MYBL1: variants seen among roughly 807,000 people sequenced by gnomAD.
MYBL1 encodes MYB proto-oncogene like 1, also known as myb-related protein A.
Under a neutral mutation model 96.3 loss-of-function variants are expected in MYBL1, and 17 were observed. The ratio of observed to expected loss-of-function variants is 0.18; its 90% CI spans 0.12 to 0.26. The LOEUF is 0.26. Ranked by LOEUF, MYBL1 falls within the 10% of genes least tolerant of loss-of-function variation. MYBL1 has a pLI of 1.00. For synonymous variants in MYBL1, 282 were observed against 292.7 expected, an observed-to-expected ratio of 0.96 and a Z score of 0.37; for missense variants, 701 against 882.9, an observed-to-expected ratio of 0.79 and a Z score of 2.61.
rs1409652352 is a variant in MYBL1, at chr8:66,576,390, A to G, written c.1102-15T>C. The G allele has an allele frequency of 6.3e-7, 1 of 1,583,146 alleles. No individual in the cohort carries two copies. Among genetic ancestry groups the G allele is most frequent in the Non-Finnish European group, 8.6e-7 (1 of 1,167,752 alleles). On this transcript the variant is annotated splice_polypyrimidine_tract_variant and intron_variant, in intron 9 of 15. Coordinates refer to ENST00000522677, the MANE Select transcript of MYBL1 (RefSeq NM_001080416.4). ...GCTACAGGATCCTGCAATAAATTAA[A>G]CTGTTAATAAAGTTAATGCTGTAAC...
In MYBL1 at chr8:66,563,732, C is replaced by T. The variant is rs1381801985; in HGVS notation, c.*965G>A. ...GAAAATATTAAATTATTATTTAGTA[C>T]ATTTTTAGAACTACTTTATAACCAG... On this transcript the variant is annotated 3_prime_UTR_variant, in exon 16 of 16. Coordinates refer to ENST00000522677, the MANE Select transcript of MYBL1 (RefSeq NM_001080416.4). 1 of 152,328 alleles carries T rather than the reference C, an allele frequency of 6.6e-6. No individual in the cohort carries two copies. Among genetic ancestry groups the T allele is most frequent in the Non-Finnish European group, 1.5e-5 (1 of 67,948 alleles). The allele number at this position is 152,328 out of a possible 1,614,324, so 9.4% of individuals were successfully genotyped here.
In MYBL1 at chr8:66,595,663, A is replaced by G. The variant is rs985046052; in HGVS notation, c.607T>C (p.Ser203Pro). 5.7e-6 allele frequency: 9 copies of G among 1,587,096 alleles called. No homozygotes were observed. Among genetic ancestry groups the G allele is most frequent in the Non-Finnish European group, 7.7e-6 (9 of 1,165,294 alleles). The change falls in exon 6 of 16, where the codon TCT becomes CCT. Residue 203 changes from serine to proline, a missense_variant. Ser to Pro is a moderately conservative substitution (Grantham distance 74, BLOSUM62 -1). This residue lies in a region of MYBL1 where 396 missense variants were observed against 407.4 expected (regional missense o/e 0.97). Transcript: ENST00000522677. ...YLQDGIKSERSSSKLQHKPCA... is the reference protein window; with the variant it reads ...YLQDGIKSERPSSKLQHKPCA... ...GGTTTGTGTTGAAGTTTAGATGAAG[A>G]TCGTTCTGATTTTATTCCATCTTGT...
intron 12 of MYBL1, among the ~76,000 whole-genome samples, chr8:66,571,665 G>A (rs541852605): frequency 1.2e-3 from 186 of 152,088 alleles, no homozygotes; most frequent in African/African-American, 4.4e-3. Context: ...GGTGGATCAC[G>A]AGGTCAGGAG....
chr8:66,570,805 G>A (rs1808698594), intron 12 of MYBL1, among the ~76,000 whole-genome samples: 1 of 152,076 alleles, frequency 6.6e-6, no homozygotes. Flanking sequence ...CATTTACTTG[G>A]TTAAATTAAA....
At chr8:66,596,517 C>G (rs1007931267) in intron 5 of MYBL1, among the ~76,000 whole-genome samples, 1 of 152,112 alleles carries the variant, frequency 6.6e-6, no homozygotes, top group Non-Finnish European at 1.5e-5. Context: ...TTAAAAGCAT[C>G]TAGACCTGGT....
chr8:66,568,239 T>TA (rs1808588851), intron 12 of MYBL1, among the ~76,000 whole-genome samples: 1 of 152,144 alleles, frequency 6.6e-6, no homozygotes. Flanking sequence ...GGAATTATGT[T>TA]AGTGTTTCCG....
intron 4 of MYBL1, among the ~76,000 whole-genome samples, 178 bp downstream of exon 4, chr8:66,598,872 A>G (rs1809955774): frequency 6.6e-6 from 1 of 152,186 alleles, no homozygotes; most frequent in Non-Finnish European, 1.5e-5. Context: ...GGTTTGACTC[A>G]ATTTTCTAAA....
At chr8:66,590,745 A>T (rs1434502370) in intron 8 of MYBL1, among the ~76,000 whole-genome samples, 1 of 152,168 alleles carries the variant, frequency 6.6e-6, no homozygotes, top group Non-Finnish European at 1.5e-5. Flanking sequence ...TTAAATTTTT[A>T]AAAATGTTAT....
At chr8:66,591,818 A>G (rs146952640) in intron 8 of MYBL1, among the ~76,000 whole-genome samples, 1 of 152,212 alleles carries the variant, frequency 6.6e-6, no homozygotes, top group East Asian at 1.9e-4. Context: ...TAATCTAAAC[A>G]CACATAATTT....
chr8:66,569,631 A>T (rs143994950), intron 12 of MYBL1, among the ~76,000 whole-genome samples: 1 of 152,252 alleles, frequency 6.6e-6, no homozygotes, highest in Non-Finnish European at 1.5e-5. Context: ...AATTACAGGT[A>T]TGAGCCACTG....
intron 15 of MYBL1, among the ~76,000 whole-genome samples, chr8:66,565,752 G>A (rs1401575472): frequency 1.3e-5 from 2 of 151,964 alleles, no homozygotes; most frequent in African/African-American, 4.8e-5. Flanking sequence ...TAGCAATTAG[G>A]GCTATACATA....
At position 66,572,613 on chromosome 8, in the gene MYBL1, A is replaced by G; in HGVS notation, c.1614-17T>C. Reference sequence around the variant, plus strand: ...GTTCTAAACCTATCCAGTCATTTAGATATTTATGTTATAGTCACGATCTGA... The same window carrying G: ...GTTCTAAACCTATCCAGTCATTTAGGTATTTATGTTATAGTCACGATCTGA... On this transcript the variant is annotated splice_polypyrimidine_tract_variant and intron_variant, in intron 11 of 15. Transcript: ENST00000522677. 1 of 1,255,536 alleles carries G rather than the reference A, an allele frequency of 8.0e-7. No homozygotes were observed. The highest frequency in any genetic ancestry group is 1.1e-6 in the Non-Finnish European group (1 of 889,588). 77.8% of individuals were successfully genotyped at this position (1,255,536 alleles called of 1,614,324 possible). A position where few individuals can be genotyped will look rare whatever the true frequency, so the allele number is the denominator to read the frequency against.
intron 15 of MYBL1, among the ~76,000 whole-genome samples, chr8:66,565,854 G>T (rs1367450400): frequency 2.0e-5 from 3 of 152,086 alleles, no homozygotes; most frequent in Non-Finnish European, 4.4e-5. Context: ...ACCAGTCTTT[G>T]GTTACAGCTT....
chr8:66,576,436 A>G (rs1808951952), intron 9 of MYBL1, 61 bp from the exon 10 acceptor site: 5 of 1,493,482 alleles, frequency 3.3e-6, no homozygotes, highest in Non-Finnish European at 4.5e-6. Context: ...CTGCTCTTGA[A>G]CACAGGATGA....
chr8:66,603,832 CAAT>C, intron 1 of MYBL1, among the ~76,000 whole-genome samples: 1 of 151,838 alleles, frequency 6.6e-6, no homozygotes, highest in African/African-American at 2.4e-5. Flanking sequence ...GATAAGAAAA[CAAT>C]ATTATAGATA....
At chr8:66,600,723 A>G (rs1346766414) in intron 3 of MYBL1, among the ~76,000 whole-genome samples, 1 of 152,214 alleles carries the variant, frequency 6.6e-6, no homozygotes, top group African/African-American at 2.4e-5. Flanking sequence ...TCTTTCCATT[A>G]CTTGATCTCA....
Position 66,613,161 on chromosome 8 carries a change from C to G in MYBL1, c.-323G>C. ...GTCAGCCTCCCTGCCCTGGCCCCAG[C>G]CCGGCTCCGCCACAGGCGCCCGACC... is the stretch of plus-strand genomic sequence containing the variant. On this transcript the variant is annotated 5_prime_UTR_variant, in exon 1 of 16. Transcript: ENST00000522677. 2.5e-6 allele frequency: 1 copy of G among 401,006 alleles called. No individual in the cohort carries two copies. Among genetic ancestry groups the G allele is most frequent in the Non-Finnish European group, 4.4e-6 (1 of 226,770 alleles). The allele number at this position is 401,006 out of a possible 1,614,324, so 24.8% of individuals were successfully genotyped here.
At chr8:66,599,761 T>C (rs115581333) in intron 3 of MYBL1, among the ~76,000 whole-genome samples, 3,614 of 151,830 alleles carry the variant, frequency 0.024, 164 homozygotes, top group African/African-American at 0.083. Flanking sequence ...GATTGCACCA[T>C]TGCATTCCAA....
intron 9 of MYBL1, 130 bp from the exon 10 acceptor site, chr8:66,576,505 AT>A (rs1008835586): frequency 2.1e-4 from 224 of 1,065,206 alleles, no homozygotes; most frequent in African/African-American, 8.4e-4. Context: ...TTCCTTGGAC[AT>A]TTTTTTTAAG....
Sources: gnomAD v4.1 joint callset for allele counts (sites outside exome capture counted in the v4.1 genomes callset) on GRCh38, gnomAD v4.1.1 for gene constraint, gnomAD v4.1.1 regional missense constraint, MANE v1.5 for transcripts, NCBI Gene and HGNC (gene_info 2026-07-23, HGNC 2026-07-21) for gene names.